Variants in ANKS1B observed in about 807,000 individuals in gnomAD.
ANKS1B encodes ankyrin repeat and sterile alpha motif domain-containing protein 1B.
A neutral mutation model predicts 148.3 loss-of-function variants in ANKS1B; 36 were observed. The ratio of observed to expected loss-of-function variants is 0.24; its 90% CI spans 0.19 to 0.32. The LOEUF (loss-of-function observed/expected upper bound fraction) is 0.32, where lower values mean the gene tolerates loss of function less well. Among genes scored for constraint, ANKS1B ranks in the 10% least tolerant of loss-of-function variants. The pLI, the probability that ANKS1B is intolerant of heterozygous loss-of-function variation, is 1.00. For synonymous variants in ANKS1B, 542 were observed against 560.8 expected, an observed-to-expected ratio of 0.97 and a Z score of 0.47; for missense variants, 1,157 against 1,542.6, an observed-to-expected ratio of 0.75 and a Z score of 4.19.
chr12:99,960,176 C>T (rs190869647), intron 1 of ANKS1B, among the ~76,000 whole-genome samples: 3 of 152,292 alleles, frequency 2.0e-5, no homozygotes, highest in East Asian at 1.9e-4. Flanking sequence ...GTTTCAAAGA[C>T]GTAGATTAAA....
intron 10 of ANKS1B, among the ~76,000 whole-genome samples, chr12:99,487,285 T>C (rs2096502959): frequency 6.6e-6 from 1 of 152,198 alleles, no homozygotes; most frequent in South Asian, 2.1e-4. Flanking sequence ...TTACTATGTA[T>C]TTGTGAAATA....
In ANKS1B at chr12:99,180,186, C is replaced by T. The variant is rs1024046475; in HGVS notation, c.2420-25791G>A. On this transcript the variant is annotated intron_variant, in intron 14 of 26. Coordinates refer to ENST00000683438, the MANE Select transcript of ANKS1B (RefSeq NM_001352186.2). Reference sequence around the variant, plus strand: ...CTCAGCAAGAATTTCTAGGATACTTCCAGTTTTCTTCTTCTTATAAACTCC... The same window carrying T: ...CTCAGCAAGAATTTCTAGGATACTTTCAGTTTTCTTCTTCTTATAAACTCC... Among the ~76,000 whole-genome samples, 7 of 152,272 alleles carry T rather than the reference C, an allele frequency of 4.6e-5. No individual in the cohort carries two copies. The South Asian group carries it at 1.5e-3, about 32-fold the overall frequency.
chr12:99,154,855 C>T (rs2075814798), intron 14 of ANKS1B: 1 of 1,532,512 alleles, frequency 6.5e-7, no homozygotes, highest in African/African-American at 1.4e-5. Flanking sequence ...TCGCTCGCTC[C>T]CCTTCATTAC....
chr12:99,546,218 T>C (rs753427886), intron 9 of ANKS1B, among the ~76,000 whole-genome samples: 39 of 152,078 alleles, frequency 2.6e-4, no homozygotes, highest in Non-Finnish European at 5.4e-4. Flanking sequence ...AAATAGACAA[T>C]AGAAATAAAA....
At chr12:99,212,358 A>AT (rs10708065) in intron 14 of ANKS1B, among the ~76,000 whole-genome samples, 9 of 149,694 alleles carry the variant, frequency 6.0e-5, no homozygotes, top group Non-Finnish European at 7.4e-5. Context: ...ACGTGTAGAG[A>AT]TTTTTTTTTT....
At chr12:99,411,390 T>C (rs1279233424) in intron 11 of ANKS1B, among the ~76,000 whole-genome samples, 1 of 152,236 alleles carries the variant, frequency 6.6e-6, no homozygotes, top group Non-Finnish European at 1.5e-5. Flanking sequence ...ATTTCATTCT[T>C]CTTTATGGCT....
chr12:99,602,725 G>A (rs1298461755), intron 9 of ANKS1B, among the ~76,000 whole-genome samples: 1 of 152,060 alleles, frequency 6.6e-6, no homozygotes, highest in African/African-American at 2.4e-5. Context: ...GAAAAGAACA[G>A]TTTTAATTTC....
At chr12:99,014,842 ACT>A (rs760449837) in intron 17 of ANKS1B, among the ~76,000 whole-genome samples, 10 of 152,052 alleles carry the variant, frequency 6.6e-5, no homozygotes, top group Non-Finnish European at 1.3e-4. Flanking sequence ...CACCAGTCTG[ACT>A]CTTACTATAA....
At chr12:99,685,305 C>A (rs2098643116) in intron 8 of ANKS1B, among the ~76,000 whole-genome samples, 1 of 152,042 alleles carries the variant, frequency 6.6e-6, no homozygotes, top group East Asian at 1.9e-4. Context: ...AGAAGATACA[C>A]AAATCACCAA....
chr12:99,947,583 T>A (rs2095100887), intron 1 of ANKS1B, among the ~76,000 whole-genome samples: 1 of 152,306 alleles, frequency 6.6e-6, no homozygotes, highest in Non-Finnish European at 1.5e-5. Flanking sequence ...CAGTGCTATA[T>A]CAGTGCTATA....
chr12:98,870,840 G>C (rs1366702918), intron 17 of ANKS1B, among the ~76,000 whole-genome samples: 1 of 152,188 alleles, frequency 6.6e-6, no homozygotes, highest in African/African-American at 2.4e-5. Flanking sequence ...GGCTCTGATG[G>C]TGCTTACAAA....
chr12:99,762,051 T>C (rs557705088), intron 8 of ANKS1B, among the ~76,000 whole-genome samples: 1 of 151,878 alleles, frequency 6.6e-6, no homozygotes, highest in Non-Finnish European at 1.5e-5. Context: ...TCAGAGATGA[T>C]ACAAAGAAAT....
intron 22 of ANKS1B, among the ~76,000 whole-genome samples, chr12:98,787,213 A>G (rs2098803394): frequency 6.6e-6 from 1 of 152,222 alleles, no homozygotes; most frequent in Non-Finnish European, 1.5e-5. Flanking sequence ...TACAAGAGAT[A>G]AAAAGCAGAA....
rs562444944 is a variant in ANKS1B at position 99,406,064 on chromosome 12, A to G, written c.1576-6253T>C. Among the ~76,000 whole-genome samples, 51 of 145,784 alleles carry G rather than the reference A, an allele frequency of 3.5e-4. 5 individuals carry two copies. The highest frequency in any genetic ancestry group is 6.7e-4 in the Non-Finnish European group (44 of 65,824). On this transcript the variant is annotated intron_variant, in intron 11 of 26. Transcript: ENST00000683438. ...TAAAGAGAGACATAAACCCCAATAC[A>G]ATAGTAGCTGAAGACTTCAACAACC...
At chr12:98,996,535 C>G (rs148515602) in intron 17 of ANKS1B, among the ~76,000 whole-genome samples, 16 of 152,202 alleles carry the variant, frequency 1.1e-4, no homozygotes, top group African/African-American at 3.9e-4. Context: ...GAATTACCAG[C>G]TGGGTGTGGT....
chr12:99,345,246 G>C (rs940747860), intron 12 of ANKS1B, among the ~76,000 whole-genome samples: 9 of 151,990 alleles, frequency 5.9e-5, no homozygotes, highest in Non-Finnish European at 1.3e-4. Context: ...ATCGTCAGTG[G>C]ACAAGATCTA....
At chr12:99,897,795 A>G (rs748111952) in intron 1 of ANKS1B, among the ~76,000 whole-genome samples, 1 of 150,206 alleles carries the variant, frequency 6.7e-6, no homozygotes, top group East Asian at 1.9e-4. Context: ...GTAGGGATAT[A>G]GAAAGGAGAG....
chr12:98,759,933 T>C (rs978632398), intron 25 of ANKS1B, among the ~76,000 whole-genome samples: 2 of 152,010 alleles, frequency 1.3e-5, no homozygotes, highest in Admixed American at 6.6e-5. Context: ...TGAGCCGAGG[T>C]CGCACCACTG....
At chr12:99,113,066 T>C (rs1035179194) in intron 15 of ANKS1B, among the ~76,000 whole-genome samples, 2 of 152,240 alleles carry the variant, frequency 1.3e-5, no homozygotes, top group Admixed American at 1.3e-4. Flanking sequence ...TATTGGCTCT[T>C]TAAAATGTAT....
Sources: gnomAD v4.1 joint callset for allele counts (sites outside exome capture counted in the v4.1 genomes callset) on GRCh38, gnomAD v4.1.1 for gene constraint, MANE v1.5 for transcripts, NCBI Gene and HGNC (gene_info 2026-07-23, HGNC 2026-07-21) for gene names.